The following CDH4 variants were observed in gnomAD, a reference collection of about 807,000 sequenced individuals.
CDH4 encodes cadherin-4.
A neutral mutation model predicts 86.0 loss-of-function variants in CDH4; 33 were observed. The observed-to-expected ratio is 0.38, with a 90% CI of 0.29 to 0.51. The LOEUF (loss-of-function observed/expected upper bound fraction) is 0.51, where lower values mean the gene tolerates loss of function less well. CDH4 is among the 20% of genes least tolerant of loss of function. The pLI is 0.86. For missense variants in CDH4, 1,114 were observed against 1,307.4 expected (o/e 0.85, Z 2.28); for synonymous variants, 555 against 549.4 (o/e 1.01, Z -0.14).
chr20:61,691,117 C>G (rs2087647965), intron 2 of CDH4, among the ~76,000 whole-genome samples: 1 of 152,182 alleles, frequency 6.6e-6, no homozygotes, highest in African/African-American at 2.4e-5. Context: ...CTCCCCACCC[C>G]TCGGCCAGCA....
At chr20:61,593,260 G>T (rs2086531232) in intron 2 of CDH4, among the ~76,000 whole-genome samples, 1 of 152,212 alleles carries the variant, frequency 6.6e-6, no homozygotes, top group Non-Finnish European at 1.5e-5. Context: ...TGCACACAGG[G>T]TGTCCTCCCA....
chr20:61,473,247 T>C (rs369848745), intron 2 of CDH4, among the ~76,000 whole-genome samples: 1 of 152,172 alleles, frequency 6.6e-6, no homozygotes, highest in Non-Finnish European at 1.5e-5. Context: ...AAATTATGAG[T>C]ATTCCTCACT....
chr20:61,340,886 TGCCCAGTAAGG>T (rs1216148092), intron 2 of CDH4, among the ~76,000 whole-genome samples: 1 of 152,240 alleles, frequency 6.6e-6, no homozygotes, highest in East Asian at 1.9e-4. Context: ...TCTAAGTTTT[TGCCCAGTAAGG>T]GCTACATTAG....
chr20:61,840,247 G>C (rs975808836), intron 4 of CDH4, among the ~76,000 whole-genome samples: 1 of 152,162 alleles, frequency 6.6e-6, no homozygotes, highest in Non-Finnish European at 1.5e-5. Context: ...CCCTGGTGCA[G>C]GGGCCTTCCC....
intron 2 of CDH4, among the ~76,000 whole-genome samples, chr20:61,407,499 G>A (rs2085090869): frequency 6.6e-6 from 1 of 152,194 alleles, no homozygotes; most frequent in Non-Finnish European, 1.5e-5. Context: ...ACGTGGCTCA[G>A]AAAGGCCTAA....
Position 61,829,394 on chromosome 20 carries a change from C to T in CDH4, c.577-15274C>T, listed in dbSNP as rs1981483402. ...TGTGTGGGTGGACCACGTTTAGCCA[C>T]TCAGCAGCTGACAGACACTTGGCGG... On this transcript the variant is annotated intron_variant, in intron 4 of 15. Transcript: ENST00000614565. The surrounding 1 kb of genome is among the most constrained non-coding windows in gnomAD (Gnocchi z 4.2). Among the ~76,000 whole-genome samples the T allele has an allele frequency of 6.6e-6, 1 of 152,222 alleles. No homozygotes were observed. Among genetic ancestry groups the T allele is most frequent in the Admixed American group, 6.5e-5 (1 of 15,286 alleles).
chr20:61,342,489 T>G (rs1002657971), intron 2 of CDH4, among the ~76,000 whole-genome samples: 2 of 152,120 alleles, frequency 1.3e-5, no homozygotes, highest in Admixed American at 1.3e-4. Context: ...GGGTTTGAGC[T>G]CCTATGAGAA....
At chr20:61,850,241 T>C (rs902671359) in intron 5 of CDH4, among the ~76,000 whole-genome samples, 7 of 152,222 alleles carry the variant, frequency 4.6e-5, no homozygotes, top group Non-Finnish European at 8.8e-5. Flanking sequence ...ATCTGTAAAA[T>C]AGGGACCAAG....
intron 13 of CDH4, among the ~76,000 whole-genome samples, chr20:61,930,972 C>CGAGGGCAGCCGCAGTG (rs1289461691): frequency 1.3e-5 from 2 of 152,008 alleles, no homozygotes; most frequent in South Asian, 4.1e-4. Flanking sequence ...GGGCCACTCT[C>CGAGGGCAGCCGCAGTG]GAGGGCAGCC....
At chr20:61,519,734 G>C (rs925988282) in intron 2 of CDH4, among the ~76,000 whole-genome samples, 3 of 152,252 alleles carry the variant, frequency 2.0e-5, no homozygotes, top group Non-Finnish European at 2.9e-5. Context: ...ACTAGTTCCT[G>C]GGCGCAGGAC....
At chr20:61,698,516 G>A (rs1378107168) in intron 2 of CDH4, among the ~76,000 whole-genome samples, 2 of 152,270 alleles carry the variant, frequency 1.3e-5, no homozygotes, top group Admixed American at 1.3e-4. Context: ...CAGAGGGCAC[G>A]GGGGACGTGC....
intron 2 of CDH4, among the ~76,000 whole-genome samples, chr20:61,484,771 C>T (rs773884863): frequency 2.9e-4 from 44 of 152,280 alleles, no homozygotes; most frequent in Non-Finnish European, 5.9e-4. Flanking sequence ...TCAGGGGGTG[C>T]GCCCAGCAGC....
chr20:61,338,373 C>G (rs754764481), intron 2 of CDH4, among the ~76,000 whole-genome samples: 10 of 152,144 alleles, frequency 6.6e-5, no homozygotes, highest in Non-Finnish European at 1.3e-4. Context: ...AACATTCTTT[C>G]TTGGCAACAA....
intron 2 of CDH4, among the ~76,000 whole-genome samples, chr20:61,308,677 T>A (rs2084429964): frequency 6.6e-6 from 1 of 152,238 alleles, no homozygotes; most frequent in Admixed American, 6.5e-5. Context: ...CCTTGTCTGA[T>A]GTGGTTTTCA....
chr20:61,296,824 G>T (rs890381888), intron 2 of CDH4, among the ~76,000 whole-genome samples: 46 of 152,170 alleles, frequency 3.0e-4, no homozygotes, highest in African/African-American at 1.0e-3. Flanking sequence ...GTGACGGACG[G>T]ACGATGGGCA....
intron 7 of CDH4, among the ~76,000 whole-genome samples, chr20:61,884,185 C>T (rs1217752208): frequency 5.9e-5 from 9 of 152,166 alleles, no homozygotes; most frequent in Non-Finnish European, 7.3e-5. Flanking sequence ...AGTGCAGAGG[C>T]TCTGGGCCAC....
chr20:61,657,320 C>T (rs2087203156), intron 2 of CDH4, among the ~76,000 whole-genome samples: 1 of 152,210 alleles, frequency 6.6e-6, no homozygotes, highest in African/African-American at 2.4e-5. Context: ...AGGCTCTGCT[C>T]CCCAAACGGG....
chr20:61,255,395 G>A (rs533571689), intron 2 of CDH4, among the ~76,000 whole-genome samples: 148 of 152,352 alleles, frequency 9.7e-4, no homozygotes, highest in Middle Eastern at 6.8e-3. Context: ...CACACATGCA[G>A]GAGGGAACTA....
At chr20:61,890,553 G>A (rs1984777043) in intron 7 of CDH4, among the ~76,000 whole-genome samples, 2 of 151,784 alleles carry the variant, frequency 1.3e-5, no homozygotes, top group Admixed American at 1.3e-4. Context: ...ATGGATGGAT[G>A]GGTGGATGAT....
Sources: allele counts gnomAD v4.1 joint callset (sites outside exome capture counted in the v4.1 genomes callset), GRCh38; gene constraint gnomAD v4.1.1; non-coding constraint Gnocchi (gnomAD v3.1); transcripts MANE v1.5; gene names NCBI Gene and HGNC (gene_info 2026-07-23, HGNC 2026-07-21).